Variants in PIWIL2 observed in about 807,000 individuals in gnomAD.
PIWIL2 encodes the protein piwi-like protein 2.
PIWIL2 carries 81 observed loss-of-function variants against 116.5 expected under a neutral mutation model. The ratio of observed to expected loss-of-function variants is 0.70; its 90% CI spans 0.58 to 0.84. The LOEUF is 0.84. PIWIL2 is among the 40% of genes least tolerant of loss of function. The pLI is 0.00. For synonymous variants in PIWIL2, 489 were observed against 429.5 expected, an observed-to-expected ratio of 1.14 and a Z score of -1.71; for missense variants, 1,272 against 1,212.3, an observed-to-expected ratio of 1.05 and a Z score of -0.73.
At chr8:22,281,296 G>C (rs1830493674) in intron 3 of PIWIL2, 81 bp from the exon 4 acceptor site, 3 of 1,550,476 alleles carry the variant, frequency 1.9e-6, no homozygotes, top group Admixed American at 2.1e-5. Flanking sequence ...AAACGTAACT[G>C]TGCTTTTTTT....
intron 20 of PIWIL2, chr8:22,321,841 C>G: frequency 3.0e-6 from 3 of 984,360 alleles, no homozygotes; most frequent in Non-Finnish European, 3.6e-6. Flanking sequence ...AATATCTTCC[C>G]CTAGGAATGG....
At chr8:22,284,328 G>C (rs897821536) in intron 6 of PIWIL2, 56 bp downstream of exon 6, 2 of 875,540 alleles carry the variant, frequency 2.3e-6, no homozygotes, top group African/African-American at 1.7e-5. Flanking sequence ...AAAAAAAATA[G>C]TTCCCCTGGA....
At chr8:22,354,519 G>A (rs1484237549) in intron 22 of PIWIL2, 141 bp downstream of exon 22, 2 of 527,698 alleles carry the variant, frequency 3.8e-6, no homozygotes, top group Admixed American at 3.3e-5. Context: ...TCTTTTTGAG[G>A]AGAGATTGGA....
chr8:22,280,163 C>T (rs1830468410), intron 2 of PIWIL2, among the ~76,000 whole-genome samples: 1 of 152,200 alleles, frequency 6.6e-6, no homozygotes, highest in Non-Finnish European at 1.5e-5. Flanking sequence ...CTCCATCCCT[C>T]CATCTGTAAT....
chr8:22,351,691 C>A (rs1314122819), intron 20 of PIWIL2, among the ~76,000 whole-genome samples: 1 of 150,660 alleles, frequency 6.6e-6, no homozygotes, highest in African/African-American at 2.4e-5. Flanking sequence ...GTGTGCACCA[C>A]CACACCTGGC....
At chr8:22,301,975 T>C (rs1831060728) in intron 10 of PIWIL2, among the ~76,000 whole-genome samples, 1 of 152,188 alleles carries the variant, frequency 6.6e-6, no homozygotes, top group Non-Finnish European at 1.5e-5. Flanking sequence ...CAAATGTCCC[T>C]CTGAGCACTG....
At chr8:22,277,554 T>C (rs1230986581) in intron 1 of PIWIL2, among the ~76,000 whole-genome samples, 1 of 152,150 alleles carries the variant, frequency 6.6e-6, no homozygotes, top group Non-Finnish European at 1.5e-5. Flanking sequence ...TAATTATTTG[T>C]AGAGACAGGG....
chr8:22,331,063 C>T (rs903038918), intron 20 of PIWIL2, among the ~76,000 whole-genome samples: 14 of 152,158 alleles, frequency 9.2e-5, no homozygotes, highest in African/African-American at 3.4e-4. Flanking sequence ...GTAATCCCAG[C>T]TACTAAGGAG....
chr8:22,297,759 CAG>C (rs1310978323), intron 10 of PIWIL2, among the ~76,000 whole-genome samples: 4 of 152,058 alleles, frequency 2.6e-5, no homozygotes, highest in African/African-American at 4.8e-5. Context: ...CATTTGGAGT[CAG>C]GGGGTTTCAC....
chr8:22,323,042 T>G (rs1247065779), intron 20 of PIWIL2, among the ~76,000 whole-genome samples: 1 of 150,726 alleles, frequency 6.6e-6, no homozygotes, highest in African/African-American at 2.4e-5. Context: ...GCCTTCCGAG[T>G]AGCTGGGACC....
At chr8:22,333,912 G>T (rs1382901493) in intron 20 of PIWIL2, among the ~76,000 whole-genome samples, 1 of 151,540 alleles carries the variant, frequency 6.6e-6, no homozygotes. Flanking sequence ...GTGGTTTCCA[G>T]AGAATAAGGA....
intron 20 of PIWIL2, among the ~76,000 whole-genome samples, chr8:22,347,182 A>C (rs1832246460): frequency 6.6e-6 from 1 of 151,692 alleles, no homozygotes; most frequent in Non-Finnish European, 1.5e-5. Flanking sequence ...AAAAAAAAAA[A>C]AAAAAGTAGC....
At chr8:22,288,438 A>T in intron 7 of PIWIL2, 104 bp from the exon 8 acceptor site, 2 of 793,278 alleles carry the variant, frequency 2.5e-6, no homozygotes, top group Non-Finnish European at 3.8e-6. Flanking sequence ...AAAATGTTTT[A>T]AGATACTTTA....
chr8:22,310,095 TAAAG>T, intron 15 of PIWIL2, 21 bp downstream of exon 15: 2 of 1,265,820 alleles, frequency 1.6e-6, no homozygotes, highest in Non-Finnish European at 2.3e-6. Context: ...TTTGAAGTGA[TAAAG>T]AGAGGACCAG....
chr8:22,281,596 G>A, intron 4 of PIWIL2, 81 bp downstream of exon 4: 1 of 1,175,862 alleles, frequency 8.5e-7, no homozygotes, highest in Non-Finnish European at 1.2e-6. Context: ...TCTAAGAAGA[G>A]TTGTGTCATC....
At chr8:22,340,145 C>T (rs1320639624) in intron 20 of PIWIL2, among the ~76,000 whole-genome samples, 4 of 149,402 alleles carry the variant, frequency 2.7e-5, no homozygotes, top group East Asian at 2.0e-4. Flanking sequence ...CTCCGCCTCC[C>T]GGGATCAAGT....
At chr8:22,327,193 T>G (rs186787233) in intron 20 of PIWIL2, among the ~76,000 whole-genome samples, 2 of 151,564 alleles carry the variant, frequency 1.3e-5, no homozygotes, top group East Asian at 1.9e-4. Flanking sequence ...CACACCCAGC[T>G]AATTTTTGTT....
At chr8:22,275,766 A>G (rs1830350824) in intron 1 of PIWIL2, 1 of 152,330 alleles carries the variant, frequency 6.6e-6, no homozygotes, top group Middle Eastern at 3.1e-3. Context: ...GCTTCTGGTT[A>G]GGCCCGAGTC....
intron 16 of PIWIL2, among the ~76,000 whole-genome samples, chr8:22,312,058 G>A (rs1831345467): frequency 6.6e-6 from 1 of 152,004 alleles, no homozygotes; most frequent in South Asian, 2.1e-4. Flanking sequence ...GAGCCCAGGA[G>A]TTTGAGACCA....
Sources: gnomAD v4.1 joint callset for allele counts (sites outside exome capture counted in the v4.1 genomes callset) on GRCh38, gnomAD v4.1.1 for gene constraint, MANE v1.5 for transcripts, NCBI Gene and HGNC (gene_info 2026-07-23, HGNC 2026-07-21) for gene names.